SLAMF9: variants seen among roughly 807,000 people sequenced by gnomAD.
The protein encoded by SLAMF9 is SLAM family member 9, also known as CD2 family member 10.
In SLAMF9, 25 loss-of-function variants were observed where a neutral mutation model predicts 30.4. That is an observed-to-expected ratio of 0.82 (90% CI 0.60 to 1.15). The LOEUF is 1.15. Ranked by LOEUF, SLAMF9 falls within the 50% of genes most tolerant of loss-of-function variation. The pLI is 0.00. For synonymous variants in SLAMF9, 129 were observed against 127.2 expected, an observed-to-expected ratio of 1.01 and a Z score of -0.09; for missense variants, 344 against 346.1, an observed-to-expected ratio of 0.99 and a Z score of 0.05.
the SLAMF9 span, among the ~76,000 whole-genome samples, chr1:159,965,197 G>A: frequency 6.6e-6 from 1 of 152,238 alleles, no homozygotes; most frequent in Non-Finnish European, 1.5e-5. Flanking sequence ...CAGAGTCAAG[G>A]TTGGGGGAAA....
the SLAMF9 span, among the ~76,000 whole-genome samples, chr1:159,971,134 C>T: frequency 6.6e-6 from 1 of 152,206 alleles, no homozygotes; most frequent in East Asian, 1.9e-4. Context: ...CACCTTTGTT[C>T]TCCAGTCCCT....
the SLAMF9 span, chr1:159,977,121 A>G: frequency 6.6e-6 from 1 of 152,234 alleles, no homozygotes; most frequent in Non-Finnish European, 1.5e-5. Context: ...AGGTAGGTAG[A>G]TGGACAAGTA....
chr1:159,954,324 A>AT (rs1172200289), upstream of SLAMF9: 5 of 491,262 alleles, frequency 1.0e-5, no homozygotes, highest in Non-Finnish European at 1.4e-5. Flanking sequence ...CCTATGTATC[A>AT]TGGCTCTCTT....
At chr1:159,971,826 C>T in the SLAMF9 span, among the ~76,000 whole-genome samples, 1 of 152,082 alleles carries the variant, frequency 6.6e-6, no homozygotes, top group Non-Finnish European at 1.5e-5. Context: ...GAGCTACTTT[C>T]GTGAATCTTC....
chr1:159,973,867 T>A, the SLAMF9 span: 8 of 1,613,402 alleles, frequency 5.0e-6, no homozygotes, highest in Admixed American at 1.7e-5. Context: ...ACCTGCCCAG[T>A]GCAGCTGTAC....
At chr1:159,960,423 G>A in the SLAMF9 span, among the ~76,000 whole-genome samples, 27 of 151,172 alleles carry the variant, frequency 1.8e-4, no homozygotes, top group South Asian at 3.3e-3. Context: ...TTGCACCTGG[G>A]CAGTCTGTTT....
chr1:159,965,789 C>T, the SLAMF9 span: 1 of 152,100 alleles, frequency 6.6e-6, no homozygotes, highest in East Asian at 1.9e-4. Context: ...CTTCCTTAGT[C>T]CCATATTAAA....
chr1:159,981,467 T>C, the SLAMF9 span, among the ~76,000 whole-genome samples: 1 of 152,226 alleles, frequency 6.6e-6, no homozygotes, highest in Non-Finnish European at 1.5e-5. Flanking sequence ...GAGGACAACT[T>C]CTGGCCCCAA....
the SLAMF9 span, among the ~76,000 whole-genome samples, chr1:159,963,929 G>A: frequency 1.1e-4 from 16 of 152,188 alleles, no homozygotes; most frequent in South Asian, 2.1e-4. Context: ...GCAAGGTGGC[G>A]AGTGCCTGTA....
chr1:159,974,636 C>T, the SLAMF9 span, among the ~76,000 whole-genome samples: 1 of 152,196 alleles, frequency 6.6e-6, no homozygotes, highest in African/African-American at 2.4e-5. Flanking sequence ...CCAGCAGGGG[C>T]TTCAGTTTCC....
At chr1:159,977,201 G>A in the SLAMF9 span, 1 of 152,142 alleles carries the variant, frequency 6.6e-6, no homozygotes, top group Admixed American at 6.5e-5. Context: ...AGGCAGATGA[G>A]GAAGGATAAA....
At chr1:159,966,594 G>A in the SLAMF9 span, among the ~76,000 whole-genome samples, 1 of 152,134 alleles carries the variant, frequency 6.6e-6, no homozygotes, top group Non-Finnish European at 1.5e-5. Context: ...GTGTACAAGT[G>A]TTCCCTTTTT....
chr1:159,970,956 C>T, the SLAMF9 span, among the ~76,000 whole-genome samples: 1 of 152,120 alleles, frequency 6.6e-6, no homozygotes, highest in South Asian at 2.1e-4. Flanking sequence ...ACGTCCTTTC[C>T]CATGGGGTTA....
chr1:159,958,842 C>G (rs1651983127), upstream of SLAMF9, among the ~76,000 whole-genome samples: 1 of 152,102 alleles, frequency 6.6e-6, no homozygotes, highest in Non-Finnish European at 1.5e-5. Context: ...CCCTTTTAAT[C>G]TTATTCAGTG....
upstream of SLAMF9, among the ~76,000 whole-genome samples, chr1:159,955,941 C>T (rs939711588): frequency 2.0e-5 from 3 of 152,122 alleles, no homozygotes; most frequent in South Asian, 2.1e-4. Flanking sequence ...GAGTATAAAA[C>T]GTTTTTATGT....
At chr1:159,980,456 C>A in the SLAMF9 span, 1 of 152,284 alleles carries the variant, frequency 6.6e-6, no homozygotes, top group Non-Finnish European at 1.5e-5. Flanking sequence ...CACTGATGGG[C>A]AACAGAGATC....
At chr1:159,952,152 G>T in intron 3 of SLAMF9, 110 bp downstream of exon 3, 4 of 1,293,236 alleles carry the variant, frequency 3.1e-6, no homozygotes, top group Non-Finnish European at 3.3e-6. Context: ...CATGGGAGGG[G>T]GTTAGCTTCT....
the SLAMF9 span, among the ~76,000 whole-genome samples, chr1:159,978,002 G>A: frequency 6.6e-6 from 1 of 152,100 alleles, no homozygotes; most frequent in Admixed American, 6.5e-5. Flanking sequence ...CATACAGGAG[G>A]ATCTGTGGCC....
At chr1:159,979,939 T>G in the SLAMF9 span, among the ~76,000 whole-genome samples, 1 of 152,178 alleles carries the variant, frequency 6.6e-6, no homozygotes, top group Non-Finnish European at 1.5e-5. Context: ...AGGAACTGGC[T>G]CAGAGATTGA....
Sources: gnomAD v4.1 joint callset for allele counts (sites outside exome capture counted in the v4.1 genomes callset) on GRCh38, gnomAD v4.1.1 for gene constraint, MANE v1.5 for transcripts, NCBI Gene and HGNC (gene_info 2026-07-23, HGNC 2026-07-21) for gene names.